The following ANKRD30A variants were observed in gnomAD, a reference collection of about 807,000 sequenced individuals.
ANKRD30A encodes ankyrin repeat domain-containing protein 30A.
Under a neutral mutation model 166.3 loss-of-function variants are expected in ANKRD30A, and 170 were observed. That is an observed-to-expected ratio of 1.02 (90% confidence interval 0.90 to 1.16). The LOEUF is 1.16. ANKRD30A is among the 50% of genes most tolerant of loss of function. The probability of loss-of-function intolerance (pLI) is 0.00; values close to 1 mark genes in which losing one functional copy is unlikely to be tolerated. For synonymous variants in ANKRD30A, 564 were observed against 508.9 expected (o/e 1.11, Z -1.46); for missense variants, 1,630 against 1,518.0 (o/e 1.07, Z -1.23).
At chr10:37,205,828 A>C (rs982978081) in intron 31 of ANKRD30A, among the ~76,000 whole-genome samples, 4 of 152,224 alleles carry the variant, frequency 2.6e-5, no homozygotes, top group African/African-American at 9.6e-5. Flanking sequence ...ACTTGAGGTC[A>C]TGCAATTTTA....
intron 25 of ANKRD30A, among the ~76,000 whole-genome samples, chr10:37,190,071 C>A (rs1338757983): frequency 6.6e-6 from 1 of 151,812 alleles, no homozygotes; most frequent in Non-Finnish European, 1.5e-5. Flanking sequence ...GATGGAAGCA[C>A]CTGACCATGG....
At chr10:37,264,542 G>T in the ANKRD30A span, 1 of 462,756 alleles carries the variant, frequency 2.2e-6, no homozygotes. Flanking sequence ...CAGTCATCTG[G>T]CTGTCTGGGG....
chr10:37,162,585 A>G, intron 15 of ANKRD30A, 64 bp from the exon 16 acceptor site: 15 of 1,590,194 alleles, frequency 9.4e-6, no homozygotes, highest in Non-Finnish European at 9.5e-6. Flanking sequence ...CTATCACGGC[A>G]TTCATTTGTG....
At chr10:37,172,392 T>A (rs564215232) in intron 21 of ANKRD30A, among the ~76,000 whole-genome samples, 1 of 122,612 alleles carries the variant, frequency 8.2e-6, no homozygotes, top group African/African-American at 3.2e-5. Flanking sequence ...TGGGTATGCT[T>A]TTAGCCAGAG....
chr10:37,257,222 T>G, the ANKRD30A span, among the ~76,000 whole-genome samples: 1 of 152,130 alleles, frequency 6.6e-6, no homozygotes, highest in South Asian at 2.1e-4. Flanking sequence ...TTTTTATTTC[T>G]GTGGGATCAG....
chr10:37,135,565 C>A (rs975183363), intron 5 of ANKRD30A, among the ~76,000 whole-genome samples: 1 of 152,128 alleles, frequency 6.6e-6, no homozygotes, highest in Non-Finnish European at 1.5e-5. Context: ...CAACTTGCAT[C>A]TTCTTTGTGG....
chr10:37,192,079 C>T (rs1840628791), intron 25 of ANKRD30A, among the ~76,000 whole-genome samples: 1 of 152,004 alleles, frequency 6.6e-6, no homozygotes. Flanking sequence ...CTCTGTCATC[C>T]AGGCTGGAGT....
At chr10:37,128,775 A>G (rs1046009259) in intron 1 of ANKRD30A, among the ~76,000 whole-genome samples, 2 of 152,180 alleles carry the variant, frequency 1.3e-5, no homozygotes, top group Middle Eastern at 3.4e-3. Context: ...TTAAAATTGG[A>G]GTATTAGGAC....
At chr10:37,194,592 G>A (rs540758566) in intron 27 of ANKRD30A, among the ~76,000 whole-genome samples, 7 of 152,134 alleles carry the variant, frequency 4.6e-5, no homozygotes, top group Non-Finnish European at 8.8e-5. Flanking sequence ...TGATGCGCCC[G>A]TCTCGGCCTC....
In ANKRD30A at chr10:37,183,513, A is replaced by G. The variant is rs1840177953; in HGVS notation, c.2422-5954A>G. ...GTCTTTTCTCTCTTTTTCTTTTTTAAAAAGATATAAATCAAACAAAATCAA... is the reference window on the plus strand; with the variant it reads ...GTCTTTTCTCTCTTTTTCTTTTTTAGAAAGATATAAATCAAACAAAATCAA... On this transcript the variant is annotated intron_variant, in intron 24 of 35. Coordinates refer to ENST00000361713, the MANE Select transcript of ANKRD30A (RefSeq NM_052997.3). Among the ~76,000 whole-genome samples, 4 of 146,804 alleles carry G rather than the reference A, an allele frequency of 2.7e-5. 1 individual carries two copies. The Admixed American group carries it at 2.8e-4, about 10-fold the overall frequency.
chr10:37,150,348 CTGTG>C (rs1837834458), intron 11 of ANKRD30A, among the ~76,000 whole-genome samples: 1 of 151,522 alleles, frequency 6.6e-6, no homozygotes, highest in African/African-American at 2.4e-5. Context: ...GCGTGTGTTC[CTGTG>C]TGTGTCTGTT....
chr10:37,151,058 G>GACCT (rs1837897713), intron 11 of ANKRD30A, among the ~76,000 whole-genome samples: 1 of 104,584 alleles, frequency 9.6e-6, no homozygotes. Flanking sequence ...GAACATTAGG[G>GACCT]ATGCTAAGAT....
chr10:37,208,820 C>G (rs1158124567), intron 31 of ANKRD30A, among the ~76,000 whole-genome samples: 1 of 152,114 alleles, frequency 6.6e-6, no homozygotes, highest in African/African-American at 2.4e-5. Flanking sequence ...AAGTGACTCT[C>G]TTTTCAGATT....
At chr10:37,138,906 A>G (rs913999128) in intron 6 of ANKRD30A, among the ~76,000 whole-genome samples, 2 of 152,166 alleles carry the variant, frequency 1.3e-5, no homozygotes, top group Non-Finnish European at 2.9e-5. Flanking sequence ...GAGAAGAGCA[A>G]CTCCAAGACA....
At chr10:37,192,961 A>C (rs1175830133) in intron 25 of ANKRD30A, 103 bp from the exon 26 acceptor site, 1 of 1,483,136 alleles carries the variant, frequency 6.7e-7, no homozygotes, top group Admixed American at 1.7e-5. Context: ...TCCCTTTTGC[A>C]ATCCAAGCAT....
At chr10:37,189,896 G>A (rs1319787461) in intron 25 of ANKRD30A, among the ~76,000 whole-genome samples, 1 of 151,872 alleles carries the variant, frequency 6.6e-6, no homozygotes, top group Admixed American at 6.6e-5. Context: ...GCAGGTTTAT[G>A]TAATGGAGGA....
chr10:37,190,201 GA>G (rs1840422468), intron 25 of ANKRD30A, among the ~76,000 whole-genome samples: 2 of 151,994 alleles, frequency 1.3e-5, no homozygotes, highest in African/African-American at 2.4e-5. Context: ...AAAGTCAGCT[GA>G]AAACCTTGTT....
chr10:37,131,735 A>C (rs1836391361), intron 3 of ANKRD30A, among the ~76,000 whole-genome samples: 2 of 152,240 alleles, frequency 1.3e-5, no homozygotes, highest in South Asian at 4.1e-4. Flanking sequence ...AGGAATAGTC[A>C]AAGTTCAAGT....
chr10:37,178,419 C>T lies in ANKRD30A; in HGVS notation c.2421+2201C>T, dbSNP rs535952825. 1.3e-4 allele frequency: 82 copies of T among 632,118 alleles called. 1 individual carries two copies. In the East Asian group the frequency reaches 9.2e-3, roughly 71 times the overall value. 39.2% of individuals were successfully genotyped at this position (632,118 alleles called of 1,614,324 possible). A position where few individuals can be genotyped will look rare whatever the true frequency, so the allele number is the denominator to read the frequency against. The stretch of plus-strand genomic sequence containing the variant: ...TCAGCTGAAAACCTTGTTAACAATT[C>T]ACACTGAGATTCAGCCGACCTGGGA... On this transcript the variant is annotated intron_variant, in intron 24 of 35. Transcript: ENST00000361713.
Sources: gnomAD v4.1 joint callset for allele counts (sites outside exome capture counted in the v4.1 genomes callset) on GRCh38, gnomAD v4.1.1 for gene constraint, MANE v1.5 for transcripts, NCBI Gene and HGNC (gene_info 2026-07-23, HGNC 2026-07-21) for gene names.